Variants in CFDP1 observed in about 807,000 individuals in gnomAD.
CFDP1 encodes the protein chromatin remodeling protein CFDP1.
In CFDP1, 31 loss-of-function variants were observed where a neutral mutation model predicts 40.1. The observed-to-expected ratio is 0.77, with a 90% CI of 0.58 to 1.04. The LOEUF (loss-of-function observed/expected upper bound fraction) is 1.04. Among genes scored for constraint, CFDP1 ranks in the 50% least tolerant of loss-of-function variants. The pLI is 0.00. For missense variants in CFDP1, 423 were observed against 343.4 expected, an observed-to-expected ratio of 1.23 and a Z score of -1.83; for synonymous variants, 167 against 120.0, an observed-to-expected ratio of 1.39 and a Z score of -2.56.
chr16:75,373,861 T>A (rs765637142), intron 5 of CFDP1, among the ~76,000 whole-genome samples: 14 of 152,212 alleles, frequency 9.2e-5, no homozygotes, highest in Non-Finnish European at 1.0e-4. Context: ...AGGAATTGTA[T>A]CATCTTTCTA....
chr16:75,302,335 A>G (rs1303827289), intron 6 of CFDP1, among the ~76,000 whole-genome samples: 2 of 152,096 alleles, frequency 1.3e-5, no homozygotes, highest in African/African-American at 4.8e-5. Context: ...ATCAGAGCTC[A>G]CTGCAGCCTC....
intron 5 of CFDP1, among the ~76,000 whole-genome samples, chr16:75,390,938 T>G (rs1267011205): frequency 6.6e-6 from 1 of 152,214 alleles, no homozygotes; most frequent in Admixed American, 6.5e-5. Context: ...TGTGAGAAAG[T>G]ATCATATTTG....
At chr16:75,398,464 A>G (rs2079017161) in intron 4 of CFDP1, among the ~76,000 whole-genome samples, 1 of 152,172 alleles carries the variant, frequency 6.6e-6, no homozygotes, top group Non-Finnish European at 1.5e-5. Context: ...CAACTCAAAG[A>G]GTTCTGTGGA....
chr16:75,331,046 T>A (rs1437387654), intron 5 of CFDP1, among the ~76,000 whole-genome samples: 18 of 151,252 alleles, frequency 1.2e-4, no homozygotes, highest in African/African-American at 4.4e-4. Context: ...ATTTCACAGC[T>A]ATTCAGGACA....
chr16:75,401,403 G>A (rs1025896570), intron 4 of CFDP1, among the ~76,000 whole-genome samples: 1 of 146,736 alleles, frequency 6.8e-6, no homozygotes, highest in Non-Finnish European at 1.5e-5. Flanking sequence ...ACTCCACCCT[G>A]GGCAACAAAG....
At chr16:75,311,949 C>T (rs966967545) in intron 5 of CFDP1, among the ~76,000 whole-genome samples, 1 of 151,900 alleles carries the variant, frequency 6.6e-6, no homozygotes, top group African/African-American at 2.4e-5. Flanking sequence ...TTGTCCAGAG[C>T]CACGGAAGGT....
At chr16:75,367,624 C>T (rs1415990833) in intron 5 of CFDP1, among the ~76,000 whole-genome samples, 1 of 151,678 alleles carries the variant, frequency 6.6e-6, no homozygotes, top group Non-Finnish European at 1.5e-5. Flanking sequence ...GAAACCCCAT[C>T]TCTACTAAAA....
chr16:75,338,319 C>T (rs770225247), intron 5 of CFDP1, among the ~76,000 whole-genome samples: 1 of 152,046 alleles, frequency 6.6e-6, no homozygotes, highest in Admixed American at 6.6e-5. Flanking sequence ...TCAGAAAAGG[C>T]AAGAAGATAA....
In CFDP1 at chr16:75,305,198, A is replaced by C; in HGVS notation, c.651-16T>G. 1.9e-6 allele frequency: 3 copies of C among 1,612,432 alleles called. No individual in the cohort carries two copies. In the South Asian group the frequency reaches 3.3e-5, roughly 18 times the overall value. ...TCTTTTTAACCTAAGGAAAGAAAAT[A>C]TGAAAGATGTAGCAGGTAAAAACTC... On this transcript the variant is annotated splice_polypyrimidine_tract_variant and intron_variant, in intron 5 of 6. Coordinates refer to ENST00000283882, the MANE Select transcript of CFDP1 (RefSeq NM_006324.3).
chr16:75,397,719 C>T (rs1377330013), intron 4 of CFDP1, among the ~76,000 whole-genome samples: 1 of 151,644 alleles, frequency 6.6e-6, no homozygotes, highest in East Asian at 1.9e-4. Context: ...GGCAGGAGAA[C>T]CTCATGAACC....
intron 5 of CFDP1, among the ~76,000 whole-genome samples, chr16:75,320,756 A>G (rs900538064): frequency 6.6e-6 from 1 of 152,246 alleles, no homozygotes; most frequent in African/African-American, 2.4e-5. Context: ...GGGGCTCAGA[A>G]TATGGGACAT....
intron 4 of CFDP1, among the ~76,000 whole-genome samples, chr16:75,407,841 C>T (rs2079116090): frequency 6.6e-6 from 1 of 152,062 alleles, no homozygotes; most frequent in African/African-American, 2.4e-5. Flanking sequence ...GGTGCGGTGG[C>T]TCACACCTGC....
At position 75,402,313 on chromosome 16, in the gene CFDP1, G is replaced by C. The variant is rs545534533; in HGVS notation, c.531-7104C>G. ...TTTTAACTTTATTTTCACTTGCTCAGAACTTCCTGAAAGTCTTTAATTGGG... is the reference window on the plus strand; with the variant it reads ...TTTTAACTTTATTTTCACTTGCTCACAACTTCCTGAAAGTCTTTAATTGGG... On this transcript the variant is annotated intron_variant, in intron 4 of 6. Coordinates refer to ENST00000283882, the MANE Select transcript of CFDP1 (RefSeq NM_006324.3). Among the ~76,000 whole-genome samples the C allele has an allele frequency of 2.6e-5, 4 of 152,308 alleles. No individual in the cohort carries two copies. The South Asian group carries it at 8.3e-4, about 32-fold the overall frequency.
rs1265141516 is a variant in CFDP1, at chr16:75,311,750, T to A, written c.651-6568A>T. 4.0e-5 allele frequency among the ~76,000 whole-genome samples: 6 copies of A among 150,584 alleles called. No individual in the cohort carries two copies. In the Admixed American group the frequency reaches 4.1e-4, roughly 10 times the overall value. On this transcript the variant is annotated intron_variant, in intron 5 of 6. Coordinates refer to ENST00000283882, the MANE Select transcript of CFDP1 (RefSeq NM_006324.3). Reference sequence around the variant, plus strand: ...CTTAGTATTTGTCATCTGCTTACAATGTAGGAATGGACCTTTACAATTTTT... The same window carrying A: ...CTTAGTATTTGTCATCTGCTTACAAAGTAGGAATGGACCTTTACAATTTTT...
At chr16:75,414,756 T>C in intron 1 of CFDP1, 61 bp from the exon 2 acceptor site, 1 of 1,117,674 alleles carries the variant, frequency 8.9e-7, no homozygotes, top group South Asian at 1.3e-5. Context: ...AGATGAGACA[T>C]TTTCATTAAT....
At chr16:75,369,805 T>C (rs2151538743) in intron 5 of CFDP1, among the ~76,000 whole-genome samples, 1 of 152,230 alleles carries the variant, frequency 6.6e-6, no homozygotes. Context: ...CAGGCTGGAG[T>C]GCAGTGAAGC....
chr16:75,422,063 T>C (rs1022052317), intron 1 of CFDP1, among the ~76,000 whole-genome samples: 1 of 152,214 alleles, frequency 6.6e-6, no homozygotes, highest in African/African-American at 2.4e-5. Context: ...AGTACAGACA[T>C]AACCACCCAT....
At chr16:75,421,244 T>A (rs1198423019) in intron 1 of CFDP1, among the ~76,000 whole-genome samples, 3 of 152,276 alleles carry the variant, frequency 2.0e-5, no homozygotes, top group Admixed American at 1.3e-4. Context: ...AGAGTCCCTG[T>A]TCCCCCTTTT....
chr16:75,412,872 T>G (rs1419722035), intron 2 of CFDP1, 118 bp from the exon 3 acceptor site: 3 of 732,710 alleles, frequency 4.1e-6, no homozygotes, highest in Non-Finnish European at 6.9e-6. Flanking sequence ...CTGGGACTAC[T>G]GGTTAATATA....
Sources: gnomAD v4.1 joint callset for allele counts (sites outside exome capture counted in the v4.1 genomes callset) on GRCh38, gnomAD v4.1.1 for gene constraint, MANE v1.5 for transcripts, NCBI Gene and HGNC (gene_info 2026-07-23, HGNC 2026-07-21) for gene names.